EIF4E3: variants seen among roughly 807,000 people sequenced by gnomAD.
EIF4E3 encodes eukaryotic translation initiation factor 4E type 3.
In EIF4E3, 26 loss-of-function variants were observed where a neutral mutation model predicts 31.7. The observed-to-expected ratio is 0.82, with a 90% CI of 0.60 to 1.14. The LOEUF (loss-of-function observed/expected upper bound fraction) is 1.14. Ranked by LOEUF, EIF4E3 falls within the 50% of genes most tolerant of loss-of-function variation. The probability of loss-of-function intolerance (pLI) is 0.00; values close to 1 mark genes in which losing one functional copy is unlikely to be tolerated. For synonymous variants in EIF4E3, 128 were observed against 107.7 expected (o/e 1.19, Z -1.17); for missense variants, 304 against 270.9 (o/e 1.12, Z -0.86).
chr3:71,695,723 T>C (rs1413288406), intron 4 of EIF4E3, among the ~76,000 whole-genome samples: 1 of 152,220 alleles, frequency 6.6e-6, no homozygotes, highest in Non-Finnish European at 1.5e-5. Context: ...ATTTCAGTTC[T>C]TTGAGCTTAT....
chr3:71,675,467 A>G lies in EIF4E3; in HGVS notation c.*9215T>C, dbSNP rs2048868257. On this transcript the variant is annotated 3_prime_UTR_variant, in exon 7 of 7. Coordinates refer to ENST00000425534, the MANE Select transcript of EIF4E3 (RefSeq NM_001134651.2). ...TAAAACCTTGAGAAAATAAGCAAGTAGATGGTGTGTCCTAGCTATAAACTG... is the reference window on the plus strand; with the variant it reads ...TAAAACCTTGAGAAAATAAGCAAGTGGATGGTGTGTCCTAGCTATAAACTG... The G allele has an allele frequency of 1.3e-5, 2 of 152,374 alleles. No homozygotes were observed. Among genetic ancestry groups the G allele is most frequent in the Admixed American group, 6.5e-5 (1 of 15,302 alleles). 9.4% of individuals were successfully genotyped at this position (152,374 alleles called of 1,614,324 possible). A position where few individuals can be genotyped will look rare whatever the true frequency, so the allele number is the denominator to read the frequency against.
intron 1 of EIF4E3, among the ~76,000 whole-genome samples, chr3:71,712,204 G>T (rs556102709): frequency 6.6e-6 from 1 of 152,286 alleles, no homozygotes; most frequent in East Asian, 1.9e-4. Flanking sequence ...TTTTGTTGTT[G>T]TCAGACTTTA....
the EIF4E3 span, among the ~76,000 whole-genome samples, chr3:71,661,111 A>G: frequency 6.6e-6 from 1 of 151,926 alleles, no homozygotes; most frequent in South Asian, 2.1e-4. Context: ...TTTTAAATAT[A>G]ATAATTGTTA....
chr3:71,709,863 T>C (rs1034039025), intron 2 of EIF4E3, among the ~76,000 whole-genome samples: 10 of 152,122 alleles, frequency 6.6e-5, no homozygotes, highest in African/African-American at 2.2e-4. Flanking sequence ...GTGCTACCAT[T>C]AGACCAGTTT....
intron 1 of EIF4E3, among the ~76,000 whole-genome samples, chr3:71,750,805 C>G (rs984689831): frequency 3.3e-5 from 5 of 151,468 alleles, no homozygotes; most frequent in Admixed American, 2.0e-4. Context: ...GCTCTGTTGC[C>G]CAGGCTGAAG....
intron 6 of EIF4E3, among the ~76,000 whole-genome samples, chr3:71,686,325 A>G (rs118084361): frequency 6.6e-6 from 1 of 152,072 alleles, no homozygotes; most frequent in East Asian, 1.9e-4. Context: ...TCTTCAGACT[A>G]TTGCTGAGGG....
downstream of EIF4E3, among the ~76,000 whole-genome samples, chr3:71,673,616 A>C (rs1420249308): frequency 6.6e-6 from 1 of 151,844 alleles, no homozygotes; most frequent in Non-Finnish European, 1.5e-5. Context: ...CATTGCATTC[A>C]TACTTACATG....
At chr3:71,686,106 C>T (rs2048987054) in intron 6 of EIF4E3, among the ~76,000 whole-genome samples, 1 of 152,230 alleles carries the variant, frequency 6.6e-6, no homozygotes, top group Non-Finnish European at 1.5e-5. Context: ...TCACTTCAGT[C>T]TCCTGAGTAG....
Position 71,694,659 on chromosome 3 carries a change from A to G in EIF4E3, c.406-718T>C, listed in dbSNP as rs375430182. On this transcript the variant is annotated intron_variant, in intron 4 of 6. Coordinates refer to ENST00000425534, the MANE Select transcript of EIF4E3 (RefSeq NM_001134651.2). ...CTTTGAAAAGTTCTTGGTCCCATTT[A>G]TCCTCCTTCCTGTGATTCACAGGCT... Among the ~76,000 whole-genome samples the G allele has an allele frequency of 2.6e-5, 4 of 152,130 alleles. No homozygotes were observed. The East Asian group carries it at 5.8e-4, about 22-fold the overall frequency.
At chr3:71,752,174 A>G (rs1269056102) in intron 1 of EIF4E3, among the ~76,000 whole-genome samples, 2 of 152,196 alleles carry the variant, frequency 1.3e-5, no homozygotes, top group East Asian at 3.8e-4. Context: ...GACCAACAGC[A>G]TTAGTCTCAC....
At chr3:71,699,580 C>A in intron 3 of EIF4E3, 34 bp downstream of exon 3, 2 of 1,580,850 alleles carry the variant, frequency 1.3e-6, no homozygotes, top group Middle Eastern at 1.7e-4. Context: ...ATTTTCCTCC[C>A]ACCTTGACCT....
At chr3:71,754,536 G>A, upstream of EIF4E3, 2 of 1,345,724 alleles carry the variant, frequency 1.5e-6, no homozygotes, top group South Asian at 1.7e-5. This position sits in a 1 kb window ranked among gnomAD's most constrained non-coding sequence, Gnocchi z 5.8. Flanking sequence ...GCTGGACGGC[G>A]GTGGCGACGA....
the EIF4E3 span, among the ~76,000 whole-genome samples, chr3:71,661,823 A>G: frequency 6.6e-6 from 1 of 152,134 alleles, no homozygotes; most frequent in African/African-American, 2.4e-5. Context: ...GTGGATGGTG[A>G]GATAATGCTT....
chr3:71,720,133 A>C (rs2049524769), intron 1 of EIF4E3, among the ~76,000 whole-genome samples: 1 of 151,828 alleles, frequency 6.6e-6, no homozygotes, highest in Admixed American at 6.6e-5. Flanking sequence ...AAAAGTAGGG[A>C]ATCTTTTATT....
intron 1 of EIF4E3, among the ~76,000 whole-genome samples, chr3:71,717,154 A>G (rs567348531): frequency 1.3e-4 from 20 of 152,342 alleles, no homozygotes; most frequent in African/African-American, 4.6e-4. Context: ...TGCCACTCAA[A>G]GTGCAACCAG....
Position 71,750,892 on chromosome 3 carries a change from T to G in EIF4E3, c.-291+2571A>C, listed in dbSNP as rs989516677. The stretch of plus-strand genomic sequence containing the variant: ...CATTCTCCTGCCTCAGCCTCCTGAG[T>G]AGCTGGGACTACAGGCGCCTGCCAC... On this transcript the variant is annotated intron_variant, in intron 1 of 7. Coordinates refer to the EIF4E3 transcript ENST00000295612. Among the ~76,000 whole-genome samples the G allele has an allele frequency of 5.9e-5, 9 of 151,474 alleles. No individual in the cohort carries two copies. In the East Asian group the frequency reaches 1.8e-3, roughly 30 times the overall value.
the EIF4E3 span, among the ~76,000 whole-genome samples, chr3:71,667,501 C>A: frequency 6.6e-6 from 1 of 152,024 alleles, no homozygotes; most frequent in Non-Finnish European, 1.5e-5. Context: ...GTTAGAAAAC[C>A]CCCCATTGTC....
intron 4 of EIF4E3, among the ~76,000 whole-genome samples, chr3:71,695,334 T>C (rs1191972743): frequency 6.6e-6 from 1 of 152,164 alleles, no homozygotes; most frequent in Non-Finnish European, 1.5e-5. Context: ...TATGAAAGCG[T>C]TATTATTTGT....
At chr3:71,686,609 A>G (rs1447654166) in intron 6 of EIF4E3, among the ~76,000 whole-genome samples, 1 of 151,324 alleles carries the variant, frequency 6.6e-6, no homozygotes, top group Non-Finnish European at 1.5e-5. Flanking sequence ...TTTAGGGAAG[A>G]TATCGAAGAA....
Sources: allele counts gnomAD v4.1 joint callset (sites outside exome capture counted in the v4.1 genomes callset), GRCh38; gene constraint gnomAD v4.1.1; non-coding constraint Gnocchi (gnomAD v3.1); transcripts MANE v1.5; gene names NCBI Gene and HGNC (gene_info 2026-07-23, HGNC 2026-07-21).